The following EML6 variants were observed in gnomAD, a reference collection of about 807,000 sequenced individuals.
EML6 encodes echinoderm microtubule-associated protein-like 6.
A neutral mutation model predicts 240.1 loss-of-function variants in EML6; 154 were observed. That is an observed-to-expected ratio of 0.64 (90% CI 0.56 to 0.73). The LOEUF (loss-of-function observed/expected upper bound fraction) is 0.73. Ranked by LOEUF, EML6 falls within the 30% of genes least tolerant of loss-of-function variation. The probability of loss-of-function intolerance (pLI) is 0.00; values close to 1 mark genes in which losing one functional copy is unlikely to be tolerated. For missense variants in EML6, 2,964 were observed against 2,474.6 expected (o/e 1.20, Z -4.20); for synonymous variants, 1,148 against 899.0 (o/e 1.28, Z -4.95).
intron 25 of EML6, among the ~76,000 whole-genome samples, chr2:54,914,167 TA>T (rs530836303): frequency 1.8e-3 from 273 of 152,324 alleles, no homozygotes; most frequent in African/African-American, 6.4e-3. Context: ...TTTCAGAATA[TA>T]TACACCTATA....
At chr2:54,852,251 C>T (rs13033818) in intron 10 of EML6, among the ~76,000 whole-genome samples, 67,891 of 152,074 alleles carry the variant, frequency 0.45, 15,417 homozygotes, top group Middle Eastern at 0.5. Flanking sequence ...TTACATAATA[C>T]TCATTTATTA....
chr2:54,827,981 C>A (rs988683406), intron 6 of EML6, among the ~76,000 whole-genome samples: 1 of 152,168 alleles, frequency 6.6e-6, no homozygotes, highest in Non-Finnish European at 1.5e-5. Flanking sequence ...TTTATGTCAT[C>A]CACAGTAGTT....
chr2:54,896,836 A>G (rs984000096), intron 21 of EML6, among the ~76,000 whole-genome samples: 6 of 152,186 alleles, frequency 3.9e-5, no homozygotes, highest in Admixed American at 3.3e-4. Context: ...TTAAAAACAC[A>G]GGTGCCCAAA....
At chr2:54,843,920 C>T in intron 7 of EML6, 127 bp from the exon 8 acceptor site, 1 of 691,540 alleles carries the variant, frequency 1.4e-6, no homozygotes, top group Non-Finnish European at 2.5e-6. Context: ...TAAGATGTGT[C>T]ACATTTGATG....
intron 36 of EML6, among the ~76,000 whole-genome samples, chr2:54,963,055 T>G (rs1217331817): frequency 7.0e-6 from 1 of 142,012 alleles, no homozygotes; most frequent in East Asian, 2.0e-4. Context: ...AGGTTTCTCT[T>G]AGAGCTTGGG....
intron 2 of EML6, among the ~76,000 whole-genome samples, chr2:54,797,475 C>T (rs373256199): frequency 6.6e-5 from 10 of 152,114 alleles, no homozygotes; most frequent in Non-Finnish European, 1.5e-4. Flanking sequence ...AGGTATATAT[C>T]GGATGGAGGG....
chr2:54,883,614 G>A (rs767567412), intron 17 of EML6, among the ~76,000 whole-genome samples: 10 of 152,288 alleles, frequency 6.6e-5, no homozygotes, highest in East Asian at 1.9e-4. Flanking sequence ...GTGATGGGGC[G>A]TGAGGAATCA....
chr2:54,874,651 C>T (rs565853538), intron 16 of EML6, among the ~76,000 whole-genome samples: 13 of 152,242 alleles, frequency 8.5e-5, no homozygotes, highest in African/African-American at 2.6e-4. Flanking sequence ...AAAACTTTGA[C>T]TGATACGTGA....
At chr2:54,890,858 A>C (rs1378062418) in intron 17 of EML6, among the ~76,000 whole-genome samples, 196 bp from the exon 18 acceptor site, 1 of 152,228 alleles carries the variant, frequency 6.6e-6, no homozygotes, top group East Asian at 1.9e-4. Context: ...TATTAGGATA[A>C]GAAGAAAGGG....
rs1673166619 is a variant in EML6, at chr2:54,903,487, G to C, written c.3394G>C (p.Asp1132His). ...TGCTTCTAGTTATATTACACACATT[G>C]ACTGGGACTCTAGAGGTAAAGTATG... The part of the protein sequence containing the change: ...KGASSYITHI[D>H]WDSRGKLLQV... Residue 1132 changes from aspartate to histidine, a missense_variant, in exon 24 of 42, where the codon GAC (aspartate) becomes CAC (histidine). Asp to His is a moderately conservative substitution (Grantham distance 81). Transcript: ENST00000356458. The C allele has an allele frequency of 6.4e-7, 1 of 1,550,912 alleles. No individual in the cohort carries two copies. The highest frequency in any genetic ancestry group is 2.4e-5 in the East Asian group (1 of 40,900).
intron 2 of EML6, among the ~76,000 whole-genome samples, chr2:54,795,620 G>A (rs553240376): frequency 1.5e-3 from 229 of 151,976 alleles, no homozygotes; most frequent in Middle Eastern, 0.014. Context: ...GAATGTCTGG[G>A]TCTGGCGTCC....
chr2:54,894,912 C>T lies in EML6; in HGVS notation c.2743-3C>T. ...ATAATACCTCTCATGTGTGCCTTCA[C>T]AGGGCTTTGTAACAGGTGGAAAGGA... On this transcript the variant is annotated splice_region_variant and splice_polypyrimidine_tract_variant and intron_variant, in intron 19 of 41. Transcript: ENST00000356458. The T allele has an allele frequency of 6.5e-7, 1 of 1,548,806 alleles. No homozygotes were observed. Among genetic ancestry groups the T allele is most frequent in the Non-Finnish European group, 8.7e-7 (1 of 1,144,474 alleles).
chr2:54,818,383 C>T (rs550621451), intron 4 of EML6, among the ~76,000 whole-genome samples: 15 of 152,270 alleles, frequency 9.9e-5, no homozygotes, highest in African/African-American at 3.4e-4. Flanking sequence ...GGTATACTTC[C>T]GTAACAAATA....
chr2:54,961,056 TATGGAGTACCAC>T (rs1293270395), intron 35 of EML6, among the ~76,000 whole-genome samples: 4 of 152,140 alleles, frequency 2.6e-5, no homozygotes, highest in East Asian at 3.9e-4. Flanking sequence ...GCAAACTGGA[TATGGAGTACCAC>T]ATGATTCAAA....
At chr2:54,794,505 C>G (rs745519803) in intron 2 of EML6, among the ~76,000 whole-genome samples, 1 of 152,164 alleles carries the variant, frequency 6.6e-6, no homozygotes. Context: ...GAAGGGTCAA[C>G]TCAGTTCCCT....
chr2:54,846,893 A>T (rs1391610712), intron 8 of EML6, among the ~76,000 whole-genome samples: 1 of 149,144 alleles, frequency 6.7e-6, no homozygotes, highest in Non-Finnish European at 1.5e-5. Flanking sequence ...TTAATTTCCA[A>T]AGTGAAAGTA....
intron 13 of EML6, among the ~76,000 whole-genome samples, chr2:54,866,101 T>C (rs573276838): frequency 6.6e-4 from 101 of 152,228 alleles, no homozygotes; most frequent in Non-Finnish European, 1.2e-3. Context: ...AGGGGCCTTA[T>C]ATTTTATGAT....
intron 2 of EML6, among the ~76,000 whole-genome samples, chr2:54,779,979 C>G (rs1668779194): frequency 6.6e-6 from 1 of 151,510 alleles, no homozygotes; most frequent in South Asian, 2.1e-4. Context: ...ATTGTAAAAC[C>G]TTCAAATGAT....
chr2:54,843,797 C>G (rs1349280223), intron 7 of EML6, among the ~76,000 whole-genome samples: 1 of 142,616 alleles, frequency 7.0e-6, no homozygotes, highest in Non-Finnish European at 1.5e-5. Context: ...GAGCTGAGAT[C>G]GGGCCACTGC....
Sources: allele counts gnomAD v4.1 joint callset (sites outside exome capture counted in the v4.1 genomes callset), GRCh38; gene constraint gnomAD v4.1.1; transcripts MANE v1.5; gene names NCBI Gene and HGNC (gene_info 2026-07-23, HGNC 2026-07-21).